NTN4: variants seen among roughly 807,000 people sequenced by gnomAD.
NTN4 encodes netrin 4, also known as netrin-4.
In NTN4, 32 loss-of-function variants were observed where a neutral mutation model predicts 73.6. That is an observed-to-expected ratio of 0.44 (90% CI 0.33 to 0.58). The LOEUF (loss-of-function observed/expected upper bound fraction) is 0.58, where lower values mean the gene tolerates loss of function less well. Among genes scored for constraint, NTN4 ranks in the 20% least tolerant of loss-of-function variants. NTN4 has a pLI of 0.04. For synonymous variants in NTN4, 258 were observed against 287.5 expected (o/e 0.90, Z 1.04); for missense variants, 654 against 798.3 (o/e 0.82, Z 2.18).
At chr12:95,673,880 A>C (rs1043396746) in intron 7 of NTN4, 2 of 152,192 alleles carry the variant, frequency 1.3e-5, no homozygotes, top group African/African-American at 4.8e-5. Context: ...TCACTGACTG[A>C]TTTCTGAATC....
intron 3 of NTN4, among the ~76,000 whole-genome samples, chr12:95,719,383 C>T (rs778261551): frequency 2.6e-5 from 4 of 152,034 alleles, no homozygotes; most frequent in Non-Finnish European, 5.9e-5. Context: ...GCCCCCTTAA[C>T]GACAGCTGCA....
At chr12:95,767,088 C>A (rs1445055662) in intron 2 of NTN4, among the ~76,000 whole-genome samples, 1 of 152,160 alleles carries the variant, frequency 6.6e-6, no homozygotes, top group Non-Finnish European at 1.5e-5. Flanking sequence ...CCACTACCCA[C>A]AGGATTGAGT....
At chr12:95,770,323 C>A (rs1565914883) in intron 2 of NTN4, among the ~76,000 whole-genome samples, 1 of 152,150 alleles carries the variant, frequency 6.6e-6, no homozygotes, top group Admixed American at 6.5e-5. Flanking sequence ...GGCTTACATT[C>A]TTCTGAGCTT....
intron 5 of NTN4, among the ~76,000 whole-genome samples, chr12:95,692,266 C>T (rs2121022769): frequency 6.6e-6 from 1 of 152,228 alleles, no homozygotes; most frequent in South Asian, 2.1e-4. Context: ...AAACTCCTGA[C>T]CTCAGGTGAT....
At chr12:95,663,517 GA>G (rs1421629310) in intron 9 of NTN4, 1 of 152,212 alleles carries the variant, frequency 6.6e-6, no homozygotes, top group Non-Finnish European at 1.5e-5. Flanking sequence ...AATTAAGAAT[GA>G]ATGAATATGC....
rs945622725 is a variant in NTN4 at position 95,713,337 on chromosome 12, A to G, written c.866T>C (p.Val289Ala). 1 of 1,587,390 alleles carries G rather than the reference A, an allele frequency of 6.3e-7. No individual in the cohort carries two copies. The highest frequency in any genetic ancestry group is 1.3e-5 in the African/African-American group (1 of 74,456). Residue 289 changes from valine (V) to alanine (A), a missense_variant and splice_region_variant, in exon 4 of 10, where the codon GTC (valine) becomes GCC (alanine). By Grantham distance (64) the Val-to-Ala change is moderately conservative. Coordinates refer to ENST00000343702, the MANE Select transcript of NTN4 (RefSeq NM_021229.4). ...GTGCTTACACATACACTTCCCATGG[A>G]CCTACAAGCAACATCAAGTGAGAAC... ...PVKAPGTFHM[V>A]HGKCMCKHNT...
chr12:95,786,689 T>C (rs2079169575), intron 2 of NTN4, among the ~76,000 whole-genome samples: 1 of 152,234 alleles, frequency 6.6e-6, no homozygotes, highest in African/African-American at 2.4e-5. Context: ...GATTTGTGTC[T>C]GCTCTTTTTT....
chr12:95,666,983 A>T (rs2078185457), intron 8 of NTN4, among the ~76,000 whole-genome samples: 1 of 152,188 alleles, frequency 6.6e-6, no homozygotes, highest in Non-Finnish European at 1.5e-5. Flanking sequence ...ACCACAGATA[A>T]ACCAAAAAGT....
rs2079197512 is a variant in NTN4 at position 95,790,141 on chromosome 12, C to T, written c.55+114G>A. ...GCGGAACATGGCCACTCATTTCACCCTCGGGAGCAGCGCTCTGCGCTCGCA... is the reference window on the plus strand; with the variant it reads ...GCGGAACATGGCCACTCATTTCACCTTCGGGAGCAGCGCTCTGCGCTCGCA... On this transcript the variant is annotated intron_variant, in intron 1 of 9. Coordinates refer to ENST00000343702, the MANE Select transcript of NTN4 (RefSeq NM_021229.4). The surrounding 1 kb of genome is among the most constrained non-coding windows in gnomAD (Gnocchi z 6.5). 3.3e-6 allele frequency: 3 copies of T among 904,986 alleles called. No homozygotes were observed. Among genetic ancestry groups the T allele is most frequent in the Non-Finnish European group, 4.9e-6 (3 of 613,372 alleles). 56.1% of individuals were successfully genotyped at this position (904,986 alleles called of 1,614,324 possible).
intron 5 of NTN4, among the ~76,000 whole-genome samples, chr12:95,688,405 A>G (rs1489012724): frequency 6.6e-6 from 1 of 152,188 alleles, no homozygotes; most frequent in African/African-American, 2.4e-5. Flanking sequence ...GACATTATTC[A>G]CAAAGATCTA....
At chr12:95,685,961 C>G (rs998909825) in intron 5 of NTN4, among the ~76,000 whole-genome samples, 2 of 152,168 alleles carry the variant, frequency 1.3e-5, no homozygotes, top group Non-Finnish European at 2.9e-5. Flanking sequence ...TCACTGCTCA[C>G]TGCAGCCTCG....
At chr12:95,714,624 C>G (rs1287873967) in intron 3 of NTN4, among the ~76,000 whole-genome samples, 1 of 151,992 alleles carries the variant, frequency 6.6e-6, no homozygotes, top group Non-Finnish European at 1.5e-5. Flanking sequence ...AAACAAATAC[C>G]TAAGAAGCAA....
At chr12:95,726,624 T>C (rs980703015) in intron 3 of NTN4, among the ~76,000 whole-genome samples, 4 of 152,310 alleles carry the variant, frequency 2.6e-5, no homozygotes, top group African/African-American at 9.6e-5. Flanking sequence ...CTTGTGTATA[T>C]ACTGAGGGGT....
intron 4 of NTN4, 38 bp from the exon 5 acceptor site, chr12:95,710,667 A>G: frequency 6.3e-7 from 1 of 1,582,632 alleles, no homozygotes; most frequent in Non-Finnish European, 8.6e-7. Flanking sequence ...ACTAATAAGT[A>G]AAAATAAAAT....
intron 2 of NTN4, among the ~76,000 whole-genome samples, chr12:95,770,987 A>G (rs1049360168): frequency 4.9e-5 from 3 of 61,148 alleles, no homozygotes; most frequent in Admixed American, 3.7e-4. Context: ...CCAGGAAAAG[A>G]ATTTGTTTTT....
intron 3 of NTN4, among the ~76,000 whole-genome samples, chr12:95,725,305 G>A (rs2078684538): frequency 6.6e-6 from 1 of 152,118 alleles, no homozygotes; most frequent in East Asian, 1.9e-4. Context: ...GGAAGGTGTT[G>A]TAGGGTTTTA....
rs1385923004 is a variant in NTN4 at position 95,666,114 on chromosome 12, C to G, written c.1580-134G>C. 19 of 677,356 alleles carry G rather than the reference C, an allele frequency of 2.8e-5. No individual in the cohort carries two copies. In the African/African-American group the frequency reaches 3.5e-4, roughly 12 times the overall value. 42.0% of individuals were successfully genotyped at this position (677,356 alleles called of 1,614,324 possible). ...GGATGTGAAAATTTGCTTTAAAAAT[C>G]ATTAGGCATTAACTTGGATGGAGTT... On this transcript the variant is annotated intron_variant, in intron 8 of 9. Transcript: ENST00000343702.
intron 9 of NTN4, among the ~76,000 whole-genome samples, chr12:95,662,235 C>CTTTTTTT (rs71087990): frequency 8.4e-6 from 1 of 118,388 alleles, no homozygotes; most frequent in Non-Finnish European, 1.7e-5. Context: ...CTTTTTCTTT[C>CTTTTTTT]TTTTTTTTTT....
chr12:95,790,211 A>G lies in NTN4; in HGVS notation c.55+44T>C, dbSNP rs2079198061. ...CCCGAGTCCCGAGATGGGTTAGAGAAGCAGCGAGGGAAGGGGTGGGGGCCC... is the reference window on the plus strand; with the variant it reads ...CCCGAGTCCCGAGATGGGTTAGAGAGGCAGCGAGGGAAGGGGTGGGGGCCC... On this transcript the variant is annotated intron_variant, in intron 1 of 9. Transcript: ENST00000343702. The surrounding 1 kb of genome is among the most constrained non-coding windows in gnomAD (Gnocchi z 6.5). 6.6e-7 allele frequency: 1 copy of G among 1,504,806 alleles called. No individual in the cohort carries two copies. Among genetic ancestry groups the G allele is most frequent in the Non-Finnish European group, 8.9e-7 (1 of 1,119,938 alleles). 93.2% of individuals were successfully genotyped at this position (1,504,806 alleles called of 1,614,324 possible).
Sources: gnomAD v4.1 joint callset for allele counts (sites outside exome capture counted in the v4.1 genomes callset) on GRCh38, gnomAD v4.1.1 for gene constraint, Gnocchi (gnomAD v3.1) non-coding constraint, MANE v1.5 for transcripts, NCBI Gene and HGNC (gene_info 2026-07-23, HGNC 2026-07-21) for gene names.